NKD1: variants seen among roughly 807,000 people sequenced by gnomAD.
NKD1 encodes the protein protein naked cuticle homolog 1.
In NKD1, 21 loss-of-function variants were observed where a neutral mutation model predicts 56.0. That is an observed-to-expected ratio of 0.38 (90% CI 0.27 to 0.54). The LOEUF is 0.54. Ranked by LOEUF, NKD1 falls within the 20% of genes least tolerant of loss-of-function variation. The pLI, the probability that NKD1 is intolerant of heterozygous loss-of-function variation, is 0.82. For missense variants in NKD1, 578 were observed against 642.7 expected, an observed-to-expected ratio of 0.90 and a Z score of 1.09; for synonymous variants, 263 against 265.7, an observed-to-expected ratio of 0.99 and a Z score of 0.10.
At position 50,569,787 on chromosome 16, in the gene NKD1, C is replaced by T. The variant is rs572477677; in HGVS notation, c.192+20232C>T. ...TTGTTGTATCTTGTGAGCTTTTTAG[C>T]ATGGTGTCTTGTCTGTAGGAGGTCC... On this transcript the variant is annotated intron_variant, in intron 3 of 9. Coordinates refer to ENST00000268459, the MANE Select transcript of NKD1 (RefSeq NM_033119.5). 1.4e-4 allele frequency among the ~76,000 whole-genome samples: 22 copies of T among 152,292 alleles called. No individual in the cohort carries two copies. In the East Asian group the frequency reaches 3.5e-3, roughly 24 times the overall value.
At chr16:50,570,692 A>G (rs1450686284) in intron 3 of NKD1, 1 of 320,954 alleles carries the variant, frequency 3.1e-6, no homozygotes, top group Non-Finnish European at 4.5e-6. Context: ...GGTGATACGT[A>G]GGACAGTTAT....
At position 50,633,394 on chromosome 16, in the gene NKD1, C is replaced by A. The variant is rs747613097; in HGVS notation, c.1026C>A (p.Ser342Arg). Residue 342 changes from serine to arginine, a missense_variant, in exon 10 of 10, where the codon AGC becomes AGA. Ser to Arg is a moderately radical substitution (Grantham distance 110). Transcript: ENST00000268459. This position sits in a 1 kb window ranked among gnomAD's most constrained non-coding sequence, Gnocchi z 4.9. ...QQRLRGTQDG[S>R]KHFVRSPKAQ... is the part of the protein sequence containing the mutation. ...GGCTCCGGGGCACCCAGGACGGGAG[C>A]AAGCACTTTGTGAGGTCCCCCAAGG... 1 of 1,613,866 alleles carries A rather than the reference C, an allele frequency of 6.2e-7. No homozygotes were observed. The highest frequency in any genetic ancestry group is 2.2e-5 in the East Asian group (1 of 44,880).
At chr16:50,604,938 C>T (rs1961673612) in intron 3 of NKD1, among the ~76,000 whole-genome samples, 1 of 152,240 alleles carries the variant, frequency 6.6e-6, no homozygotes, top group Non-Finnish European at 1.5e-5. Context: ...CACTTACCCA[C>T]TAGAGCTGCC....
chr16:50,625,242 AC>A, intron 5 of NKD1: 1 of 550,904 alleles, frequency 1.8e-6, no homozygotes, highest in Non-Finnish European at 3.3e-6. Flanking sequence ...GTCTTTGAAG[AC>A]CCACAGACCA....
intron 3 of NKD1, among the ~76,000 whole-genome samples, chr16:50,604,481 T>C (rs1229010515): frequency 6.6e-6 from 1 of 152,226 alleles, no homozygotes; most frequent in African/African-American, 2.4e-5. Context: ...CAGTAACTAC[T>C]GACCTAATGA....
intron 3 of NKD1, among the ~76,000 whole-genome samples, chr16:50,603,661 C>T (rs1373484602): frequency 6.6e-6 from 1 of 152,232 alleles, no homozygotes; most frequent in Non-Finnish European, 1.5e-5. Flanking sequence ...ATGTTACATT[C>T]AGAAGTAGGA....
chr16:50,548,973 TC>T (rs1960306703), intron 2 of NKD1: 5 of 767,978 alleles, frequency 6.5e-6, no homozygotes, highest in Non-Finnish European at 7.3e-6. Flanking sequence ...CCTCAACCCC[TC>T]CCCCTCCCGC....
intron 4 of NKD1, among the ~76,000 whole-genome samples, chr16:50,616,808 C>G (rs1017927783): frequency 4.6e-5 from 7 of 152,246 alleles, no homozygotes; most frequent in African/African-American, 1.4e-4. Context: ...GCTGCCCCTC[C>G]TCAAGACACC....
chr16:50,600,233 A>C (rs1377450848), intron 3 of NKD1, among the ~76,000 whole-genome samples: 1 of 151,418 alleles, frequency 6.6e-6, no homozygotes, highest in Non-Finnish European at 1.5e-5. Flanking sequence ...CCTTAAAAAA[A>C]CAAAACAAAA....
intron 5 of NKD1, among the ~76,000 whole-genome samples, chr16:50,624,049 C>T (rs113924186): frequency 3.6e-4 from 55 of 152,110 alleles, no homozygotes; most frequent in African/African-American, 1.3e-3. Flanking sequence ...GTCAGGACGC[C>T]GTGCTGGGGC....
Position 50,644,481 on chromosome 16 carries a change from G to A in NKD1, c.*10700G>A, listed in dbSNP as rs1260011424. 6.6e-6 allele frequency: 1 copy of A among 152,230 alleles called. No homozygotes were observed. The highest frequency in any genetic ancestry group is 2.4e-5 in the African/African-American group (1 of 41,456). The allele number at this position is 152,230 out of a possible 1,614,324, so 9.4% of individuals were successfully genotyped here. The stretch of plus-strand genomic sequence containing the variant: ...ATGGGAAAAGGGGCACCCCTCTTGC[G>A]GGTTCCTGATGCTGAGAGTTGTTGG... On this transcript the variant is annotated 3_prime_UTR_variant, in exon 10 of 10. Transcript: ENST00000268459.
chr16:50,569,969 C>G lies in NKD1; in HGVS notation c.192+20414C>G, dbSNP rs546049646. ...GGGCGGGCACTGCCTACCATGGCAG[C>G]CTCTGTCGTGATGCAGCCACTGAAC... On this transcript the variant is annotated intron_variant, in intron 3 of 9. Transcript: ENST00000268459. Among the ~76,000 whole-genome samples, 16 of 152,250 alleles carry G rather than the reference C, an allele frequency of 1.1e-4. No individual in the cohort carries two copies. The South Asian group carries it at 3.3e-3, about 32-fold the overall frequency.
rs1231821081 is a variant in NKD1, at chr16:50,591,474, A to G, written c.193-16820A>G. ...GCAGTGGCCCTTCTGGGTGGCCTGA[A>G]GACAGCAGAGGAGGAACGGAGCCTG... On this transcript the variant is annotated intron_variant, in intron 3 of 9. Coordinates refer to ENST00000268459, the MANE Select transcript of NKD1 (RefSeq NM_033119.5). 3.3e-5 allele frequency among the ~76,000 whole-genome samples: 5 copies of G among 152,232 alleles called. No individual in the cohort carries two copies. In the East Asian group the frequency reaches 7.7e-4, roughly 23 times the overall value.
At chr16:50,589,817 C>T (rs1596724463) in intron 3 of NKD1, among the ~76,000 whole-genome samples, 1 of 104,148 alleles carries the variant, frequency 9.6e-6, no homozygotes, top group African/African-American at 3.8e-5. Context: ...CTCTCCTCTC[C>T]TCTCCTCTCC....
rs1962136090 is a variant in NKD1, at chr16:50,623,355, G to GAGGAT, written c.366+1651_366+1655dup. Among the ~76,000 whole-genome samples, 2 of 152,150 alleles carry GAGGAT rather than the reference G, an allele frequency of 1.3e-5. No homozygotes were observed. Among genetic ancestry groups the GAGGAT allele is most frequent in the African/African-American group, 4.8e-5 (2 of 41,452 alleles). Reference sequence around the variant, plus strand: ...CAAGAGGCTTGAAGGCTCGCCTGAGGAGGATAGGTAGTATCTAGTAGGAGT... The same window carrying GAGGAT: ...CAAGAGGCTTGAAGGCTCGCCTGAGGAGGATAGGATAGGTAGTATCTAGTAGGAGT... On this transcript the variant is annotated intron_variant, in intron 5 of 9. Transcript: ENST00000268459. This position sits in a 1 kb window ranked among gnomAD's most constrained non-coding sequence, Gnocchi z 4.1.
At chr16:50,624,132 C>A (rs1370033081) in intron 5 of NKD1, among the ~76,000 whole-genome samples, 1 of 152,144 alleles carries the variant, frequency 6.6e-6, no homozygotes, top group Admixed American at 6.5e-5. Flanking sequence ...GCCAGGCCAG[C>A]CAGGTGCCAC....
At chr16:50,606,559 G>A (rs1961714080) in intron 3 of NKD1, 1 of 342,632 alleles carries the variant, frequency 2.9e-6, no homozygotes, top group Non-Finnish European at 5.8e-6. Context: ...GGTGGTGACT[G>A]GGGTGCCTTG....
intron 4 of NKD1, among the ~76,000 whole-genome samples, chr16:50,610,412 C>T (rs1171746120): frequency 3.3e-5 from 5 of 152,136 alleles, no homozygotes; most frequent in Admixed American, 6.5e-5. Context: ...TCCTGTGGCC[C>T]GAGGCCTCCC....
At chr16:50,620,549 C>G (rs745338311) in intron 4 of NKD1, among the ~76,000 whole-genome samples, 1 of 152,154 alleles carries the variant, frequency 6.6e-6, no homozygotes, top group South Asian at 2.1e-4. Flanking sequence ...TGTTTCTTCA[C>G]CTTTAAAACA....
Sources: allele counts gnomAD v4.1 joint callset (sites outside exome capture counted in the v4.1 genomes callset), GRCh38; gene constraint gnomAD v4.1.1; non-coding constraint Gnocchi (gnomAD v3.1); transcripts MANE v1.5; gene names NCBI Gene and HGNC (gene_info 2026-07-23, HGNC 2026-07-21).